Variants in ABCB4 observed in about 807,000 individuals in gnomAD.
ABCB4 encodes the protein ATP binding cassette subfamily B member 4.
In ABCB4, 76 loss-of-function variants were observed where a neutral mutation model predicts 145.7. The observed-to-expected ratio is 0.52, with a 90% CI of 0.43 to 0.63. ABCB4 has a LOEUF of 0.63. Among genes scored for constraint, ABCB4 ranks in the 30% least tolerant of loss-of-function variants. The probability of loss-of-function intolerance (pLI) is 0.00; values close to 1 mark genes in which losing one functional copy is unlikely to be tolerated. For synonymous variants in ABCB4, 517 were observed against 566.8 expected, an observed-to-expected ratio of 0.91 and a Z score of 1.25; for missense variants, 1,234 against 1,553.1, an observed-to-expected ratio of 0.79 and a Z score of 3.45.
intron 3 of ABCB4, among the ~76,000 whole-genome samples, chr7:87,467,808 C>A (rs182765659): frequency 6.6e-6 from 1 of 151,870 alleles, no homozygotes; most frequent in Non-Finnish European, 1.5e-5. Context: ...GGGCACATAA[C>A]GAAATGAAGG....
chr7:87,406,085 A>C (rs535659055), intron 26 of ABCB4: 1 of 616,450 alleles, frequency 1.6e-6, no homozygotes, highest in African/African-American at 1.8e-5. Context: ...GGTGGTTTTG[A>C]GCTTCTCACT....
the ABCB4 span, chr7:87,377,385 C>T: frequency 1.7e-5 from 27 of 1,611,058 alleles, no homozygotes; most frequent in African/African-American, 8.0e-5. Flanking sequence ...TCCAACAGTA[C>T]GCTGGGGTGA....
chr7:87,426,554 A>G (rs1446943665), intron 16 of ABCB4, among the ~76,000 whole-genome samples, 196 bp downstream of exon 16: 1 of 152,172 alleles, frequency 6.6e-6, no homozygotes, highest in Non-Finnish European at 1.5e-5. Context: ...TTTTCCCTTG[A>G]AAACCCATTT....
chr7:87,438,735 C>A (rs942810411), intron 14 of ABCB4, among the ~76,000 whole-genome samples: 7 of 152,058 alleles, frequency 4.6e-5, no homozygotes, highest in Non-Finnish European at 7.4e-5. Flanking sequence ...GGTGACAGAG[C>A]AAGACCCTGT....
rs1488247315 is a variant in ABCB4, at chr7:87,426,770, C to A, written c.2044G>T (p.Asp682Tyr). 6.2e-7 allele frequency: 1 copy of A among 1,613,820 alleles called. No individual in the cohort carries two copies. The highest frequency in any genetic ancestry group is 8.5e-7 in the Non-Finnish European group (1 of 1,179,926). ...CTTACAAGTCCATCGGTTTCCACAT[C>A]AAGGCTCTTCTGACACATTTGTGAA... ...KNSQMCQKSLDVETDGLEANV... is the reference protein window; with the variant it reads ...KNSQMCQKSLYVETDGLEANV... Residue 682 changes from aspartate (D) to tyrosine (Y), a missense_variant, in exon 16 of 28, where the codon GAT (aspartate) becomes TAT (tyrosine). Asp to Tyr is a radical substitution (Grantham distance 160, BLOSUM62 -3). This residue lies in a region of ABCB4 where 321 missense variants were observed against 332.6 expected (regional missense o/e 0.97). Transcript: ENST00000649586.
intron 3 of ABCB4, among the ~76,000 whole-genome samples, chr7:87,465,958 A>G (rs6971521): frequency 0.26 from 39,921 of 152,032 alleles, 6,288 homozygotes; most frequent in African/African-American, 0.45. Flanking sequence ...AAAAAACAGA[A>G]CAGAAAAACT....
At chr7:87,405,049 A>G (rs1808079391) in intron 26 of ABCB4, among the ~76,000 whole-genome samples, 1 of 152,236 alleles carries the variant, frequency 6.6e-6, no homozygotes, top group Non-Finnish European at 1.5e-5. Flanking sequence ...ACTTGAATTC[A>G]TACAGAAACC....
Position 87,475,427 on chromosome 7 carries a change from G to C in ABCB4, c.39C>G (p.Arg13=). The change falls in exon 2 of 28, where the codon CGC becomes CGG. Residue 13 remains arginine, a synonymous_variant. Transcript: ENST00000649586. ...CAAAGTCGCCCTCCGCGCTCGTGGG[G>C]CGCCAGGCTGTTCCGTTCTTTGCCG... The part of the protein sequence containing the change: ...LEAAKNGTAW[R]PTSAEGDFEL... 4.3e-6 allele frequency: 7 copies of C among 1,614,246 alleles called. No homozygotes were observed. Among genetic ancestry groups the C allele is most frequent in the Non-Finnish European group, 5.9e-6 (7 of 1,180,044 alleles).
intron 4 of ABCB4, among the ~76,000 whole-genome samples, chr7:87,458,563 C>T (rs1812252372): frequency 6.6e-6 from 1 of 152,158 alleles, no homozygotes; most frequent in African/African-American, 2.4e-5. Context: ...CTATCTGTTC[C>T]CAACCCCCAT....
At chr7:87,369,032 A>G in the ABCB4 span, among the ~76,000 whole-genome samples, 1 of 152,212 alleles carries the variant, frequency 6.6e-6, no homozygotes, top group African/African-American at 2.4e-5. Context: ...GTTAATTCAA[A>G]TGGCTGTCCT....
At chr7:87,468,887 C>T (rs900415611) in intron 3 of ABCB4, among the ~76,000 whole-genome samples, 7 of 137,682 alleles carry the variant, frequency 5.1e-5, no homozygotes, top group South Asian at 2.4e-4. Flanking sequence ...GCCCAGATAG[C>T]GCCACTACAG....
At chr7:87,450,166 C>A (rs1054934494) in intron 7 of ABCB4, 74 bp from the exon 8 acceptor site, 15 of 1,583,818 alleles carry the variant, frequency 9.5e-6, no homozygotes, top group Non-Finnish European at 2.6e-6. Flanking sequence ...AACCCTTTAA[C>A]CTACTTTTTC....
At chr7:87,436,855 T>A (rs1003493683) in intron 14 of ABCB4, among the ~76,000 whole-genome samples, 3 of 152,178 alleles carry the variant, frequency 2.0e-5, no homozygotes, top group African/African-American at 7.2e-5. Context: ...ACCGCCACTC[T>A]ATGTTGAGAG....
intron 7 of ABCB4, among the ~76,000 whole-genome samples, 156 bp downstream of exon 7, chr7:87,451,467 T>C (rs1262715928): frequency 6.6e-6 from 1 of 152,190 alleles, no homozygotes; most frequent in Non-Finnish European, 1.5e-5. Flanking sequence ...AAAATTAATT[T>C]CCTTATGAAA....
At chr7:87,421,189 G>C (rs1459232940) in intron 18 of ABCB4, among the ~76,000 whole-genome samples, 4 of 152,204 alleles carry the variant, frequency 2.6e-5, no homozygotes, top group Non-Finnish European at 5.9e-5. Context: ...GCCACAGTGT[G>C]AGTGTTGGGG....
At chr7:87,438,929 T>C (rs1411369450) in intron 14 of ABCB4, among the ~76,000 whole-genome samples, 6 of 152,218 alleles carry the variant, frequency 3.9e-5, no homozygotes, top group Non-Finnish European at 7.3e-5. Flanking sequence ...TAGAATTCCT[T>C]AAGGAACTTG....
At chr7:87,374,715 ATT>A in the ABCB4 span, among the ~76,000 whole-genome samples, 9 of 152,078 alleles carry the variant, frequency 5.9e-5, no homozygotes. Flanking sequence ...CAAGAAATGT[ATT>A]TCTTTATCAG....
intron 3 of ABCB4, among the ~76,000 whole-genome samples, chr7:87,471,060 C>T (rs1335374746): frequency 1.3e-5 from 2 of 152,102 alleles, no homozygotes; most frequent in African/African-American, 4.8e-5. Flanking sequence ...GAGTTCATGT[C>T]CTTTGTAGGG....
chr7:87,439,861 C>G, intron 13 of ABCB4, 24 bp from the exon 14 acceptor site: 2 of 1,614,100 alleles, frequency 1.2e-6, no homozygotes, highest in Non-Finnish European at 1.7e-6. Flanking sequence ...CATGGATCAG[C>G]TCTTGAAGTA....
Sources: gnomAD v4.1 joint callset for allele counts (sites outside exome capture counted in the v4.1 genomes callset) on GRCh38, gnomAD v4.1.1 for gene constraint, gnomAD v4.1.1 regional missense constraint, MANE v1.5 for transcripts, NCBI Gene and HGNC (gene_info 2026-07-23, HGNC 2026-07-21) for gene names.